ABTB3: variants seen among roughly 807,000 people sequenced by gnomAD.
ABTB3 encodes the protein ankyrin repeat and BTB domain containing 3, also known as ankyrin repeat- and BTB/POZ domain-containing protein 3.
chr12:107,520,749 G>T, the ABTB3 span: 1 of 1,357,324 alleles, frequency 7.4e-7, no homozygotes, highest in Non-Finnish European at 1.0e-6. Flanking sequence ...GTAATCAGCG[G>T]GGTGACACCT....
the ABTB3 span, among the ~76,000 whole-genome samples, chr12:107,481,885 C>CTCTCTCTCTCTA: frequency 1.2e-5 from 1 of 83,618 alleles, no homozygotes; most frequent in South Asian, 3.6e-4. Context: ...AATCAAGAGT[C>CTCTCTCTCTCTA]TCTCTCTCTC....
At chr12:107,477,213 AG>A in the ABTB3 span, among the ~76,000 whole-genome samples, 1 of 152,190 alleles carries the variant, frequency 6.6e-6, no homozygotes, top group Non-Finnish European at 1.5e-5. Context: ...AGTAAGGTCA[AG>A]GGGGTCTGTG....
the ABTB3 span, among the ~76,000 whole-genome samples, chr12:107,472,600 T>C: frequency 6.6e-6 from 1 of 152,278 alleles, no homozygotes; most frequent in African/African-American, 2.4e-5. Flanking sequence ...GATGAGTAAA[T>C]GAAATACTAC....
At chr12:107,541,429 TTCTC>T in the ABTB3 span, among the ~76,000 whole-genome samples, 230 of 151,946 alleles carry the variant, frequency 1.5e-3, 1 homozygote, top group Non-Finnish European at 2.3e-3. Context: ...CCAACAGGAT[TTCTC>T]TCTCTCTCTC....
chr12:107,655,791 C>T, the ABTB3 span, among the ~76,000 whole-genome samples: 2 of 152,242 alleles, frequency 1.3e-5, no homozygotes, highest in South Asian at 4.1e-4. Flanking sequence ...TGAAAAGAGG[C>T]CCTGGAGCTT....
the ABTB3 span, among the ~76,000 whole-genome samples, chr12:107,346,718 C>T: frequency 5.3e-5 from 8 of 152,208 alleles, no homozygotes; most frequent in Non-Finnish European, 1.2e-4. Flanking sequence ...CTCAGCCTCC[C>T]AAAGTGCTGG....
the ABTB3 span, among the ~76,000 whole-genome samples, chr12:107,622,020 T>C: frequency 1.3e-5 from 2 of 152,100 alleles, no homozygotes; most frequent in Admixed American, 6.6e-5. Flanking sequence ...GTGGGAGGAT[T>C]GCTTGAGCCC....
the ABTB3 span, among the ~76,000 whole-genome samples, chr12:107,515,286 G>A: frequency 5.9e-5 from 9 of 152,166 alleles, no homozygotes; most frequent in Non-Finnish European, 1.2e-4. Flanking sequence ...TGCAAATAGT[G>A]CAAATACTAA....
At chr12:107,320,154 C>A in the ABTB3 span, 1 of 1,348,708 alleles carries the variant, frequency 7.4e-7, no homozygotes, top group Non-Finnish European at 9.6e-7. Context: ...CGTCCCCCTC[C>A]CGCGTCTTCC....
the ABTB3 span, among the ~76,000 whole-genome samples, chr12:107,433,038 C>T: frequency 1.3e-5 from 2 of 152,014 alleles, no homozygotes; most frequent in African/African-American, 4.8e-5. Context: ...GTAATCCCAG[C>T]ACTTTGGGAG....
the ABTB3 span, among the ~76,000 whole-genome samples, chr12:107,596,718 C>G: frequency 6.6e-6 from 1 of 152,122 alleles, no homozygotes; most frequent in Non-Finnish European, 1.5e-5. Context: ...AGAGTTTTCC[C>G]CTCTGCATCC....
the ABTB3 span, among the ~76,000 whole-genome samples, chr12:107,535,447 G>A: frequency 1.3e-5 from 2 of 152,008 alleles, no homozygotes; most frequent in African/African-American, 4.8e-5. Flanking sequence ...GAAAGAAATG[G>A]CATCCACATC....
At chr12:107,646,319 C>T in the ABTB3 span, among the ~76,000 whole-genome samples, 111 of 152,352 alleles carry the variant, frequency 7.3e-4, no homozygotes, top group Non-Finnish European at 1.2e-3. Flanking sequence ...GCCCCGGGAT[C>T]TCAGTCCACT....
the ABTB3 span, among the ~76,000 whole-genome samples, chr12:107,403,856 C>A: frequency 6.6e-6 from 1 of 152,080 alleles, no homozygotes; most frequent in Non-Finnish European, 1.5e-5. Context: ...TGCCCCCCTA[C>A]CCAAATCAGA....
At chr12:107,507,121 G>C in the ABTB3 span, among the ~76,000 whole-genome samples, 1 of 152,118 alleles carries the variant, frequency 6.6e-6, no homozygotes, top group Admixed American at 6.5e-5. Context: ...TCAACATGTT[G>C]ATAGGGAATC....
chr12:107,564,317 TCA>T, the ABTB3 span, among the ~76,000 whole-genome samples: 1 of 152,132 alleles, frequency 6.6e-6, no homozygotes, highest in Non-Finnish European at 1.5e-5. Context: ...GAGCCAAGAC[TCA>T]CTCATGTGGA....
chr12:107,470,463 C>A, the ABTB3 span, among the ~76,000 whole-genome samples: 1 of 152,144 alleles, frequency 6.6e-6, no homozygotes, highest in African/African-American at 2.4e-5. Flanking sequence ...AGCCTACCCT[C>A]CCCACCTTCA....
At chr12:107,535,161 T>A in the ABTB3 span, among the ~76,000 whole-genome samples, 1 of 151,898 alleles carries the variant, frequency 6.6e-6, no homozygotes, top group Admixed American at 6.6e-5. Flanking sequence ...AACACACACA[T>A]CACATCAGCA....
chr12:107,565,791 A>G, the ABTB3 span, among the ~76,000 whole-genome samples: 2 of 152,152 alleles, frequency 1.3e-5, no homozygotes, highest in Admixed American at 1.3e-4. Context: ...GAATTAGACA[A>G]GTAGGCAGGC....
Sources: allele counts gnomAD v4.1 joint callset (sites outside exome capture counted in the v4.1 genomes callset), GRCh38; gene constraint gnomAD v4.1.1; transcripts MANE v1.5; gene names NCBI Gene and HGNC (gene_info 2026-07-23, HGNC 2026-07-21).